LCLAT1: variants seen among roughly 807,000 people sequenced by gnomAD.
LCLAT1 encodes 1-AGP acyltransferase 8.
Under a neutral mutation model 30.7 loss-of-function variants are expected in LCLAT1, and 11 were observed. The observed-to-expected ratio is 0.36, with a 90% confidence interval of 0.23 to 0.59. The LOEUF is 0.59. Ranked by LOEUF, LCLAT1 falls within the 20% of genes least tolerant of loss-of-function variation. The probability of loss-of-function intolerance (pLI) is 0.77; values close to 1 mark genes in which losing one functional copy is unlikely to be tolerated. For synonymous variants in LCLAT1, 155 were observed against 151.3 expected (o/e 1.02, Z -0.18); for missense variants, 402 against 458.6 (o/e 0.88, Z 1.13).
intron 1 of LCLAT1, among the ~76,000 whole-genome samples, chr2:30,457,255 G>C (rs4533508): frequency 6.6e-6 from 1 of 152,160 alleles, no homozygotes; most frequent in Non-Finnish European, 1.5e-5. Flanking sequence ...GTGGTTGTCA[G>C]AGATCTTGGA....
intron 1 of LCLAT1, among the ~76,000 whole-genome samples, chr2:30,517,854 A>G (rs1160841729): frequency 1.3e-5 from 2 of 152,162 alleles, no homozygotes; most frequent in Admixed American, 6.5e-5. Flanking sequence ...CCTATAATTG[A>G]TAATTGAAGA....
At chr2:30,531,387 G>A (rs1296161482) in intron 2 of LCLAT1, among the ~76,000 whole-genome samples, 2 of 152,228 alleles carry the variant, frequency 1.3e-5, no homozygotes, top group Admixed American at 6.5e-5. Context: ...ACTTTTTGGA[G>A]TAGGGGTTAT....
At chr2:30,549,732 A>G (rs1427343797) in intron 3 of LCLAT1, among the ~76,000 whole-genome samples, 1 of 152,188 alleles carries the variant, frequency 6.6e-6, no homozygotes, top group East Asian at 1.9e-4. Flanking sequence ...TTGTGCAGGT[A>G]TTTTAAAAGA....
intron 1 of LCLAT1, among the ~76,000 whole-genome samples, chr2:30,456,126 T>TG (rs1681822444): frequency 6.6e-6 from 1 of 152,156 alleles, no homozygotes; most frequent in Non-Finnish European, 1.5e-5. Flanking sequence ...TGAGTTGTGG[T>TG]AGTTTGTGCT....
intron 5 of LCLAT1, among the ~76,000 whole-genome samples, chr2:30,584,212 A>C (rs1666330954): frequency 6.6e-6 from 1 of 152,192 alleles, no homozygotes; most frequent in Non-Finnish European, 1.5e-5. Flanking sequence ...TAGCAGTTTA[A>C]CTGTATGTCT....
At chr2:30,564,856 A>C (rs10495777) in intron 4 of LCLAT1, among the ~76,000 whole-genome samples, 3 of 151,986 alleles carry the variant, frequency 2.0e-5, no homozygotes, top group Non-Finnish European at 4.4e-5. Context: ...CTAACTTTAC[A>C]TATATTCTAT....
intron 5 of LCLAT1, among the ~76,000 whole-genome samples, chr2:30,628,404 A>G (rs1312314843): frequency 6.6e-6 from 1 of 152,224 alleles, no homozygotes; most frequent in Non-Finnish European, 1.5e-5. Flanking sequence ...TGGGAGGGAT[A>G]TAAGGTATTT....
At chr2:30,625,992 A>T (rs531175550) in intron 5 of LCLAT1, among the ~76,000 whole-genome samples, 1 of 152,322 alleles carries the variant, frequency 6.6e-6, no homozygotes. Flanking sequence ...CTGTTCACCC[A>T]TGTACCCCAG....
At chr2:30,537,407 C>T (rs1663833662) in intron 3 of LCLAT1, among the ~76,000 whole-genome samples, 1 of 150,772 alleles carries the variant, frequency 6.6e-6, no homozygotes, top group Non-Finnish European at 1.5e-5. Context: ...AAAAGATAGA[C>T]TTCAAGTTAA....
chr2:30,510,142 C>T (rs1027031430), intron 1 of LCLAT1, among the ~76,000 whole-genome samples: 1 of 152,044 alleles, frequency 6.6e-6, no homozygotes, highest in East Asian at 1.9e-4. Flanking sequence ...TAGTTGTCAC[C>T]CTGAAATCTC....
At chr2:30,528,536 A>G (rs1685839515) in intron 2 of LCLAT1, among the ~76,000 whole-genome samples, 1 of 152,220 alleles carries the variant, frequency 6.6e-6, no homozygotes, top group Admixed American at 6.5e-5. Context: ...ATATTTTTAA[A>G]CAATATACAA....
chr2:30,553,499 A>G (rs1440756456), intron 3 of LCLAT1, among the ~76,000 whole-genome samples: 1 of 152,246 alleles, frequency 6.6e-6, no homozygotes, highest in Non-Finnish European at 1.5e-5. Flanking sequence ...TAAAGACAGA[A>G]TATCCTGCAG....
At chr2:30,531,631 C>T (rs1685990070) in intron 2 of LCLAT1, among the ~76,000 whole-genome samples, 1 of 152,122 alleles carries the variant, frequency 6.6e-6, no homozygotes, top group African/African-American at 2.4e-5. Context: ...TATGGGATAT[C>T]TGTAGCTACT....
At chr2:30,493,703 CT>C (rs1488057238) in intron 1 of LCLAT1, among the ~76,000 whole-genome samples, 2 of 152,188 alleles carry the variant, frequency 1.3e-5, no homozygotes, top group African/African-American at 4.8e-5. Context: ...CTAGCAACCA[CT>C]GATCTTTTTT....
In LCLAT1 at chr2:30,531,457, C is replaced by T. The variant is rs552354556; in HGVS notation, c.166-1659C>T. Among the ~76,000 whole-genome samples the T allele has an allele frequency of 2.2e-4, 34 of 152,224 alleles. No homozygotes were observed. In the South Asian group the frequency reaches 6.8e-3, roughly 31 times the overall value. On this transcript the variant is annotated intron_variant, in intron 2 of 5. Transcript: ENST00000379509. ...TTGATGAAAACTGCAAGCATTTTAC[C>T]TAGCAAAGTATGTGTACACATTGAC...
At chr2:30,476,473 C>T (rs763995850) in intron 1 of LCLAT1, 1 of 456,700 alleles carries the variant, frequency 2.2e-6, no homozygotes, top group South Asian at 1.5e-5. Context: ...TCGATTCTTA[C>T]AGGAACGCAG....
chr2:30,478,296 A>G (rs1015285016), intron 1 of LCLAT1, among the ~76,000 whole-genome samples: 1 of 152,172 alleles, frequency 6.6e-6, no homozygotes, highest in African/African-American at 2.4e-5. Flanking sequence ...TGAAAACCTG[A>G]TCACTTTTTA....
chr2:30,565,827 A>G (rs1390343693), intron 4 of LCLAT1, among the ~76,000 whole-genome samples: 3 of 152,146 alleles, frequency 2.0e-5, no homozygotes. Flanking sequence ...GTTTTGTTTA[A>G]GGTGGTTAGG....
At chr2:30,529,801 T>G (rs1409815586) in intron 2 of LCLAT1, among the ~76,000 whole-genome samples, 4 of 152,192 alleles carry the variant, frequency 2.6e-5, no homozygotes, top group Non-Finnish European at 5.9e-5. Flanking sequence ...GCTCAGTGTT[T>G]TGAAGAATGA....
Sources: gnomAD v4.1 joint callset for allele counts (sites outside exome capture counted in the v4.1 genomes callset) on GRCh38, gnomAD v4.1.1 for gene constraint, MANE v1.5 for transcripts, NCBI Gene and HGNC (gene_info 2026-07-23, HGNC 2026-07-21) for gene names.